Variants in PTH2R observed in about 807,000 individuals in gnomAD.
PTH2R encodes PTH2 receptor.
In PTH2R, 59 loss-of-function variants were observed where a neutral mutation model predicts 60.3. That is an observed-to-expected ratio of 0.98 (90% CI 0.79 to 1.22). The LOEUF (loss-of-function observed/expected upper bound fraction) is 1.22, where lower values mean the gene tolerates loss of function less well. Among genes scored for constraint, PTH2R ranks in the 50% most tolerant of loss-of-function variants. The pLI is 0.00. For synonymous variants in PTH2R, 256 were observed against 243.8 expected (o/e 1.05, Z -0.47); for missense variants, 749 against 682.6 (o/e 1.10, Z -1.08).
At chr2:208,372,155 T>A (rs186866219) in intron 1 of PTH2R, among the ~76,000 whole-genome samples, 2 of 152,220 alleles carry the variant, frequency 1.3e-5, no homozygotes, top group African/African-American at 4.8e-5. Context: ...ATTCCTAACC[T>A]TGTGATTCGC....
intron 1 of PTH2R, among the ~76,000 whole-genome samples, chr2:208,374,978 A>G (rs1700768297): frequency 6.6e-6 from 1 of 152,096 alleles, no homozygotes; most frequent in African/African-American, 2.4e-5. Flanking sequence ...ATGTAAAATA[A>G]TCATAAGATG....
rs551618135 is a variant in PTH2R, at chr2:208,397,829, C to T, written c.-258-30372C>T. Among the ~76,000 whole-genome samples, 7 of 152,282 alleles carry T rather than the reference C, an allele frequency of 4.6e-5. No homozygotes were observed. The East Asian group carries it at 1.3e-3, about 29-fold the overall frequency. ...CCATGTTGCCAGGCACATGTGGGCA[C>T]AAGAAGATGGCAGGAATCGCCATGT... On this transcript the variant is annotated intron_variant, in intron 1 of 12. Coordinates refer to the PTH2R transcript ENST00000617735.
At chr2:208,405,288 G>T (rs1574843283), upstream of PTH2R, among the ~76,000 whole-genome samples, 1 of 152,068 alleles carries the variant, frequency 6.6e-6, no homozygotes, top group African/African-American at 2.4e-5. Flanking sequence ...CTGATGAAAA[G>T]ATTTTCTAAT....
chr2:208,477,946 G>GCACTACTACTAGTACTAGTAC (rs1156586077), intron 9 of PTH2R, among the ~76,000 whole-genome samples: 1 of 144,388 alleles, frequency 6.9e-6, no homozygotes, highest in East Asian at 2.0e-4. Context: ...ACTACTAGTA[G>GCACTACTACTAGTACTAGTAC]TACTAGCACT....
intron 9 of PTH2R, among the ~76,000 whole-genome samples, chr2:208,478,160 T>A (rs997559406): frequency 1.3e-5 from 2 of 152,214 alleles, no homozygotes; most frequent in Non-Finnish European, 2.9e-5. Flanking sequence ...TCTATTGTTA[T>A]CTTTTCTTCA....
chr2:208,467,871 A>G (rs1702790444), intron 9 of PTH2R, among the ~76,000 whole-genome samples: 1 of 152,216 alleles, frequency 6.6e-6, no homozygotes, highest in African/African-American at 2.4e-5. Flanking sequence ...TTTCAAAGAG[A>G]TGAGAAAGTA....
intron 1 of PTH2R, among the ~76,000 whole-genome samples, chr2:208,409,558 T>C (rs942806714): frequency 6.6e-6 from 1 of 152,202 alleles, no homozygotes; most frequent in Non-Finnish European, 1.5e-5. Flanking sequence ...AAAAAAATTA[T>C]AACATATTGA....
Position 208,494,329 on chromosome 2 carries a change from T to C in PTH2R, c.*670T>C, listed in dbSNP as rs925599699. 3.3e-5 allele frequency: 5 copies of C among 152,242 alleles called. No individual in the cohort carries two copies. The highest frequency in any genetic ancestry group is 1.2e-4 in the African/African-American group (5 of 41,464). The allele number at this position is 152,242 out of a possible 1,614,324, so 9.4% of individuals were successfully genotyped here. A position where few individuals can be genotyped will look rare whatever the true frequency, so the allele number is the denominator to read the frequency against. ...ACCTCAGGTCTTCACTCTTTCTTCT[T>C]TGTAAACTATGTCATGTGGAAAGAT... On this transcript the variant is annotated 3_prime_UTR_variant, in exon 13 of 13. Coordinates refer to ENST00000272847, the MANE Select transcript of PTH2R (RefSeq NM_005048.4).
intron 1 of PTH2R, among the ~76,000 whole-genome samples, chr2:208,397,675 C>A (rs539140948): frequency 6.6e-6 from 1 of 152,254 alleles, no homozygotes; most frequent in African/African-American, 2.4e-5. Context: ...GCATAGTGCC[C>A]AGAGGATTGG....
At chr2:208,360,041 G>A in exon 1 of PTH2R, 2 of 340,848 alleles carry the variant, frequency 5.9e-6, no homozygotes, top group Non-Finnish European at 5.9e-6. Context: ...TTGGGTCGGA[G>A]AGGAATTATC....
chr2:208,485,351 C>G (rs967858065), intron 10 of PTH2R, among the ~76,000 whole-genome samples: 1 of 152,150 alleles, frequency 6.6e-6, no homozygotes, highest in African/African-American at 2.4e-5. Context: ...CACCATGTTT[C>G]CAGCAAACCA....
chr2:208,418,834 A>G (rs796398861), intron 1 of PTH2R, among the ~76,000 whole-genome samples: 4 of 152,230 alleles, frequency 2.6e-5, no homozygotes, highest in African/African-American at 9.6e-5. Flanking sequence ...TAGGTCATAG[A>G]GTTTTCTCAC....
intron 1 of PTH2R, among the ~76,000 whole-genome samples, chr2:208,408,831 A>G (rs963275321): frequency 2.0e-5 from 3 of 152,272 alleles, no homozygotes; most frequent in African/African-American, 7.2e-5. Flanking sequence ...TCAATAAAAC[A>G]ATCAGGACAT....
At chr2:208,377,600 C>T (rs1700824152) in intron 1 of PTH2R, among the ~76,000 whole-genome samples, 1 of 151,414 alleles carries the variant, frequency 6.6e-6, no homozygotes, top group African/African-American at 2.4e-5. Flanking sequence ...GGCTGACCCC[C>T]CACCTGCCTC....
chr2:208,383,697 G>A (rs1052358009), intron 1 of PTH2R, among the ~76,000 whole-genome samples: 1 of 152,134 alleles, frequency 6.6e-6, no homozygotes, highest in African/African-American at 2.4e-5. Flanking sequence ...GGTACATATC[G>A]ATTACCAGCC....
chr2:208,441,279 G>A (rs538159950), intron 4 of PTH2R, among the ~76,000 whole-genome samples: 1 of 152,300 alleles, frequency 6.6e-6, no homozygotes, highest in African/African-American at 2.4e-5. Context: ...CATATAGGGC[G>A]AAGTCTGGAA....
At chr2:208,455,656 A>T (rs1702495960) in intron 8 of PTH2R, among the ~76,000 whole-genome samples, 2 of 152,210 alleles carry the variant, frequency 1.3e-5, no homozygotes, top group Non-Finnish European at 2.9e-5. Context: ...GCTTTTCTAT[A>T]GATAAAGTTT....
intron 12 of PTH2R, among the ~76,000 whole-genome samples, chr2:208,491,055 T>G (rs1703394269): frequency 6.6e-6 from 1 of 152,064 alleles, no homozygotes; most frequent in South Asian, 2.1e-4. Flanking sequence ...TATTTTGATG[T>G]TTTTTGAACT....
At chr2:208,407,174 G>C (rs1574845288) in intron 1 of PTH2R, 56 bp downstream of exon 1, 2 of 1,376,098 alleles carry the variant, frequency 1.5e-6, no homozygotes, top group East Asian at 5.6e-5. Context: ...CGGGGACTCA[G>C]CTTTAGCGAC....
Sources: allele counts gnomAD v4.1 joint callset (sites outside exome capture counted in the v4.1 genomes callset), GRCh38; gene constraint gnomAD v4.1.1; transcripts MANE v1.5; gene names NCBI Gene and HGNC (gene_info 2026-07-23, HGNC 2026-07-21).